PRKG1: variants seen among roughly 807,000 people sequenced by gnomAD.
The protein encoded by PRKG1 is protein kinase cGMP-dependent 1.
In PRKG1, 35 loss-of-function variants were observed where a neutral mutation model predicts 88.1. The ratio of observed to expected loss-of-function variants is 0.40; its 90% CI spans 0.30 to 0.53. PRKG1 has a LOEUF of 0.53. PRKG1 is among the 20% of genes least tolerant of loss of function. The pLI, the probability that PRKG1 is intolerant of heterozygous loss-of-function variation, is 0.59. For synonymous variants in PRKG1, 303 were observed against 292.5 expected, an observed-to-expected ratio of 1.04 and a Z score of -0.37; for missense variants, 540 against 839.8, an observed-to-expected ratio of 0.64 and a Z score of 4.41.
At chr10:51,196,250 T>A (rs1589235587) in intron 2 of PRKG1, among the ~76,000 whole-genome samples, 1 of 152,240 alleles carries the variant, frequency 6.6e-6, no homozygotes, top group African/African-American at 2.4e-5. Flanking sequence ...AAAACTAGTA[T>A]ATATGTGTAT....
At chr10:51,968,831 AAAAAAAG>A (rs1445601563) in intron 5 of PRKG1, among the ~76,000 whole-genome samples, 32 of 150,638 alleles carry the variant, frequency 2.1e-4, no homozygotes, top group African/African-American at 7.4e-4. Flanking sequence ...AAAAAAAAAA[AAAAAAAG>A]AAAAAAGAAA....
chr10:51,781,765 T>C (rs1028086256), intron 3 of PRKG1, among the ~76,000 whole-genome samples: 2 of 152,144 alleles, frequency 1.3e-5, no homozygotes, highest in Non-Finnish European at 2.9e-5. Flanking sequence ...GTAATAACTA[T>C]TGTCCTTGAG....
chr10:51,858,378 A>T lies in PRKG1; in HGVS notation c.699-49129A>T, dbSNP rs1326675234. Among the ~76,000 whole-genome samples, 16 of 19,288 alleles carry T rather than the reference A, an allele frequency of 8.3e-4. 1 individual carries two copies. Among genetic ancestry groups the T allele is most frequent in the South Asian group, 2.5e-3 (1 of 398 alleles). The allele number at this position is 19,288 out of a possible 152,430, so 12.7% of individuals were successfully genotyped here. A position where few individuals can be genotyped will look rare whatever the true frequency, so the allele number is the denominator to read the frequency against. On this transcript the variant is annotated intron_variant, in intron 4 of 17. Transcript: ENST00000373980. ...ATATATATTATATATAATATATATA[A>T]AATATATATATAATATATATAATAT...
intron 1 of PRKG1, among the ~76,000 whole-genome samples, chr10:51,054,051 CT>C (rs202103975): frequency 6.6e-5 from 10 of 151,712 alleles, no homozygotes; most frequent in Non-Finnish European, 1.0e-4. Context: ...AAAATGTTTC[CT>C]TTTTTTTCTA....
intron 2 of PRKG1, among the ~76,000 whole-genome samples, chr10:51,247,945 T>C (rs1299255392): frequency 6.6e-6 from 1 of 151,964 alleles, no homozygotes; most frequent in Non-Finnish European, 1.5e-5. Flanking sequence ...TCATGTAATC[T>C]TCAGTTTGTG....
At chr10:51,628,785 C>G (rs1234005497) in intron 3 of PRKG1, among the ~76,000 whole-genome samples, 1 of 151,144 alleles carries the variant, frequency 6.6e-6, no homozygotes, top group African/African-American at 2.4e-5. Flanking sequence ...GGGTGAAACC[C>G]CGTCTCTACT....
chr10:52,075,920 C>T (rs962111461), intron 7 of PRKG1, among the ~76,000 whole-genome samples: 4 of 152,112 alleles, frequency 2.6e-5, no homozygotes, highest in South Asian at 2.1e-4. Context: ...CTAAGGATCT[C>T]CCAAAGGCCC....
chr10:51,028,085 T>G (rs1245842200), intron 1 of PRKG1, among the ~76,000 whole-genome samples: 1 of 152,138 alleles, frequency 6.6e-6, no homozygotes, highest in African/African-American at 2.4e-5. Context: ...TGACCTTATT[T>G]CTGTTATTCA....
intron 5 of PRKG1, among the ~76,000 whole-genome samples, chr10:51,934,106 A>G (rs1842752742): frequency 6.6e-6 from 1 of 152,156 alleles, no homozygotes; most frequent in African/African-American, 2.4e-5. Context: ...ATCAAAATTG[A>G]AAGAAAGAAA....
At chr10:52,243,244 G>T (rs1269413561) in intron 9 of PRKG1, among the ~76,000 whole-genome samples, 2 of 152,124 alleles carry the variant, frequency 1.3e-5, no homozygotes, top group African/African-American at 4.8e-5. Flanking sequence ...TGTAGTAAAA[G>T]AACATATTAC....
chr10:51,794,029 G>T (rs1838944523), intron 3 of PRKG1, among the ~76,000 whole-genome samples: 1 of 152,080 alleles, frequency 6.6e-6, no homozygotes, highest in South Asian at 2.1e-4. Context: ...CTCTCAAAGT[G>T]CTAGGATTAC....
intron 2 of PRKG1, among the ~76,000 whole-genome samples, chr10:51,161,902 T>C (rs1846373408): frequency 6.6e-6 from 1 of 152,184 alleles, no homozygotes; most frequent in Admixed American, 6.5e-5. Context: ...AATGGTGTAA[T>C]AACACATTGA....
At chr10:51,818,462 A>G (rs1459781464) in intron 4 of PRKG1, among the ~76,000 whole-genome samples, 1 of 152,200 alleles carries the variant, frequency 6.6e-6, no homozygotes, top group African/African-American at 2.4e-5. Context: ...TCTTTCTTTT[A>G]CAAGTAGTGT....
At chr10:51,031,911 C>A (rs1843288284) in intron 1 of PRKG1, among the ~76,000 whole-genome samples, 1 of 152,044 alleles carries the variant, frequency 6.6e-6, no homozygotes, top group Non-Finnish European at 1.5e-5. Flanking sequence ...GGTGTTTTTT[C>A]AATTAAACAA....
intron 3 of PRKG1, among the ~76,000 whole-genome samples, chr10:51,748,230 T>C (rs1837630126): frequency 6.6e-6 from 1 of 152,212 alleles, no homozygotes; most frequent in Non-Finnish European, 1.5e-5. Context: ...ATGACTGATA[T>C]GTTTGGATAG....
chr10:52,191,637 G>A (rs1430839996), intron 9 of PRKG1, among the ~76,000 whole-genome samples: 1 of 152,120 alleles, frequency 6.6e-6, no homozygotes, highest in Non-Finnish European at 1.5e-5. Flanking sequence ...AGATTTCGTA[G>A]GAGGTTTATT....
intron 3 of PRKG1, among the ~76,000 whole-genome samples, chr10:51,742,153 G>A (rs1253774050): frequency 6.6e-6 from 1 of 152,136 alleles, no homozygotes; most frequent in Non-Finnish European, 1.5e-5. Flanking sequence ...CTGGGAAAGA[G>A]GCTGCTGCTG....
chr10:51,147,836 T>G (rs1374772872), intron 1 of PRKG1, among the ~76,000 whole-genome samples: 2 of 152,172 alleles, frequency 1.3e-5, no homozygotes, highest in East Asian at 3.8e-4. Context: ...TTGGTTGATG[T>G]GAAAATACAG....
At chr10:51,878,677 C>T (rs1841362889) in intron 4 of PRKG1, among the ~76,000 whole-genome samples, 1 of 152,162 alleles carries the variant, frequency 6.6e-6, no homozygotes, top group East Asian at 1.9e-4. Flanking sequence ...AGAGTCTCAC[C>T]AGAAGGAGAA....
Sources: allele counts gnomAD v4.1 joint callset (sites outside exome capture counted in the v4.1 genomes callset), GRCh38; gene constraint gnomAD v4.1.1; transcripts MANE v1.5; gene names NCBI Gene and HGNC (gene_info 2026-07-23, HGNC 2026-07-21).